RAB20: variants seen among roughly 807,000 people sequenced by gnomAD.
RAB20 encodes the protein ras-related protein Rab-20.
In RAB20, 2 loss-of-function variants were observed where a neutral mutation model predicts 3.7. The ratio of observed to expected loss-of-function variants is 0.54; its 90% CI spans 0.22 to 1.69. The LOEUF (loss-of-function observed/expected upper bound fraction) is 1.69, where lower values mean the gene tolerates loss of function less well. Among genes scored for constraint, RAB20 ranks in the 40% most tolerant of loss-of-function variants. The probability of loss-of-function intolerance (pLI) is 0.19; values close to 1 mark genes in which losing one functional copy is unlikely to be tolerated. For missense variants in RAB20, 276 were observed against 311.9 expected (o/e 0.88, Z 0.87); for synonymous variants, 126 against 130.8 (o/e 0.96, Z 0.25).
At chr13:110,551,953 G>A (rs1200628286) in intron 1 of RAB20, among the ~76,000 whole-genome samples, 1 of 151,526 alleles carries the variant, frequency 6.6e-6, no homozygotes, top group Non-Finnish European at 1.5e-5. Context: ...TTAGCTGGGT[G>A]TGGTGGTGCT....
At chr13:110,536,955 C>G (rs413695) in intron 1 of RAB20, among the ~76,000 whole-genome samples, 101,241 of 108,958 alleles carry the variant, frequency 0.93, 47,087 homozygotes, top group South Asian at 0.96. Flanking sequence ...ACAGGCCCCG[C>G]TATGTGATGT....
intron 1 of RAB20, among the ~76,000 whole-genome samples, chr13:110,537,988 GA>G (rs1179950018): frequency 1.1e-4 from 16 of 152,142 alleles, no homozygotes; most frequent in Non-Finnish European, 4.4e-5. Flanking sequence ...AAAAGAGTTA[GA>G]AAAAAGAATG....
chr13:110,544,272 G>A (rs1884815784), intron 1 of RAB20, among the ~76,000 whole-genome samples: 1 of 152,182 alleles, frequency 6.6e-6, no homozygotes, highest in South Asian at 2.1e-4. Flanking sequence ...TTCATGCTGA[G>A]GTCATGCTGT....
chr13:110,526,796 C>T (rs1884437112), intron 1 of RAB20, among the ~76,000 whole-genome samples: 1 of 152,226 alleles, frequency 6.6e-6, no homozygotes, highest in South Asian at 2.1e-4. Context: ...TGCCCACGAC[C>T]CTTCAGACCT....
chr13:110,549,249 C>T lies in RAB20; in HGVS notation c.172+12099G>A, dbSNP rs543570561. ...AGCTTGGTCTGTGTTAGAATATAAG[C>T]TACTAAAAGTTAAGTGTGTTGATTT... is the stretch of plus-strand genomic sequence containing the variant. On this transcript the variant is annotated intron_variant, in intron 1 of 1. Transcript: ENST00000267328. Among the ~76,000 whole-genome samples, 8 of 152,342 alleles carry T rather than the reference C, an allele frequency of 5.3e-5. No homozygotes were observed. In the South Asian group the frequency reaches 1.4e-3, roughly 28 times the overall value.
At chr13:110,528,057 C>T (rs542729007) in intron 1 of RAB20, among the ~76,000 whole-genome samples, 41 of 151,888 alleles carry the variant, frequency 2.7e-4, no homozygotes, top group African/African-American at 8.5e-4. Context: ...AAGCTATGAT[C>T]ATGCCACTGC....
chr13:110,558,055 C>A (rs536071734), intron 1 of RAB20, among the ~76,000 whole-genome samples: 1 of 152,274 alleles, frequency 6.6e-6, no homozygotes, highest in East Asian at 1.9e-4. Context: ...TGCTGTAGAA[C>A]GAGGGCCCAA....
chr13:110,560,463 A>G (rs1885110952), intron 1 of RAB20, among the ~76,000 whole-genome samples: 2 of 152,180 alleles, frequency 1.3e-5, no homozygotes, highest in Admixed American at 6.5e-5. Flanking sequence ...CTTTGGGTAT[A>G]TGACTTTTTA....
intron 1 of RAB20, among the ~76,000 whole-genome samples, chr13:110,541,840 A>ACACACT (rs896109435): frequency 6.0e-5 from 9 of 149,488 alleles, no homozygotes; most frequent in South Asian, 2.1e-4. Context: ...ACACACACAC[A>ACACACT]CTCTCACATA....
chr13:110,527,101 T>C (rs1233699118), intron 1 of RAB20, among the ~76,000 whole-genome samples: 1 of 151,938 alleles, frequency 6.6e-6, no homozygotes, highest in Non-Finnish European at 1.5e-5. Flanking sequence ...AATAAACCAC[T>C]GTTTAGAGCC....
intron 1 of RAB20, among the ~76,000 whole-genome samples, chr13:110,552,727 A>C (rs888537216): frequency 6.6e-6 from 1 of 151,406 alleles, no homozygotes; most frequent in Non-Finnish European, 1.5e-5. Context: ...AAATAAATAA[A>C]TAAATAAAAA....
At chr13:110,531,446 G>A (rs1343868975) in intron 1 of RAB20, among the ~76,000 whole-genome samples, 1 of 152,220 alleles carries the variant, frequency 6.6e-6, no homozygotes, top group African/African-American at 2.4e-5. Flanking sequence ...CTGGTAAACA[G>A]CCCCCACTCT....
intron 1 of RAB20, among the ~76,000 whole-genome samples, chr13:110,557,799 C>T (rs1190024542): frequency 1.3e-5 from 2 of 152,222 alleles, no homozygotes; most frequent in Admixed American, 6.5e-5. Context: ...GCCCCTGCTC[C>T]CCCCGCCTCC....
intron 1 of RAB20, among the ~76,000 whole-genome samples, chr13:110,553,783 G>C (rs1031185758): frequency 2.6e-5 from 4 of 152,156 alleles, no homozygotes; most frequent in Non-Finnish European, 4.4e-5. Context: ...TCCCGACTGA[G>C]GCTAAAATAG....
At chr13:110,526,095 A>G (rs1884425575) in intron 1 of RAB20, among the ~76,000 whole-genome samples, 1 of 152,220 alleles carries the variant, frequency 6.6e-6, no homozygotes, top group East Asian at 1.9e-4. Flanking sequence ...AAGCTCCCAT[A>G]GCACCTGCTG....
At chr13:110,530,728 G>A (rs1325928491) in intron 1 of RAB20, among the ~76,000 whole-genome samples, 1 of 147,304 alleles carries the variant, frequency 6.8e-6, no homozygotes, top group East Asian at 2.1e-4. Flanking sequence ...AGGGCCCTAG[G>A]GAAGTAGGTC....
intron 1 of RAB20, among the ~76,000 whole-genome samples, chr13:110,552,285 A>G (rs1371198286): frequency 1.3e-5 from 2 of 151,714 alleles, no homozygotes. Context: ...AAGCTGAGGC[A>G]GGAGAATCAC....
At chr13:110,535,101 T>G (rs939465521) in intron 1 of RAB20, among the ~76,000 whole-genome samples, 7 of 152,232 alleles carry the variant, frequency 4.6e-5, no homozygotes, top group African/African-American at 1.4e-4. Flanking sequence ...TCTAAAGTGC[T>G]GGGATTACAG....
At chr13:110,558,233 A>G (rs1271090122) in intron 1 of RAB20, among the ~76,000 whole-genome samples, 1 of 152,196 alleles carries the variant, frequency 6.6e-6, no homozygotes, top group African/African-American at 2.4e-5. Flanking sequence ...GTACCCACCC[A>G]TGCACAGCAA....
Sources: gnomAD v4.1 joint callset for allele counts (sites outside exome capture counted in the v4.1 genomes callset) on GRCh38, gnomAD v4.1.1 for gene constraint, MANE v1.5 for transcripts, NCBI Gene and HGNC (gene_info 2026-07-23, HGNC 2026-07-21) for gene names.